BNC2: variants seen among roughly 807,000 people sequenced by gnomAD.
BNC2 encodes the protein basonuclin zinc finger protein 2, also known as zinc finger protein basonuclin-2.
A neutral mutation model predicts 76.3 loss-of-function variants in BNC2; 20 were observed. The observed-to-expected ratio is 0.26, with a 90% CI of 0.18 to 0.38. The LOEUF is 0.38. Among genes scored for constraint, BNC2 ranks in the 10% least tolerant of loss-of-function variants. The pLI, the probability that BNC2 is intolerant of heterozygous loss-of-function variation, is 1.00. For synonymous variants in BNC2, 582 were observed against 514.8 expected, an observed-to-expected ratio of 1.13 and a Z score of -1.77; for missense variants, 1,382 against 1,399.8, an observed-to-expected ratio of 0.99 and a Z score of 0.20.
At chr9:16,515,731 A>T (rs992158211) in intron 5 of BNC2, among the ~76,000 whole-genome samples, 15 of 150,752 alleles carry the variant, frequency 1.0e-4, no homozygotes, top group South Asian at 4.3e-4. Context: ...AAAAAAAAAA[A>T]TTTAAAAAAA....
At chr9:16,619,952 A>G (rs1460871908) in intron 3 of BNC2, among the ~76,000 whole-genome samples, 1 of 152,194 alleles carries the variant, frequency 6.6e-6, no homozygotes, top group Admixed American at 6.5e-5. Context: ...TTCAGTGGAC[A>G]TACAAGTCAC....
At chr9:16,737,791 TAGA>T (rs1030884530) in intron 2 of BNC2, among the ~76,000 whole-genome samples, 1 of 152,144 alleles carries the variant, frequency 6.6e-6, no homozygotes, top group African/African-American at 2.4e-5. Context: ...ACAGGTCCCT[TAGA>T]AGATCTGCAT....
chr9:16,584,526 C>T (rs1819718032), intron 3 of BNC2, among the ~76,000 whole-genome samples: 1 of 152,072 alleles, frequency 6.6e-6, no homozygotes, highest in African/African-American at 2.4e-5. Flanking sequence ...TACTTCACCC[C>T]CATCTTTAAT....
intron 5 of BNC2, among the ~76,000 whole-genome samples, chr9:16,444,646 T>A (rs1190555301): frequency 6.6e-6 from 1 of 152,152 alleles, no homozygotes; most frequent in African/African-American, 2.4e-5. Flanking sequence ...AGATCCCACA[T>A]GTGGGTTGGA....
intron 5 of BNC2, among the ~76,000 whole-genome samples, chr9:16,452,289 C>T (rs1301751730): frequency 6.6e-6 from 1 of 151,936 alleles, no homozygotes; most frequent in African/African-American, 2.4e-5. Context: ...AAGGTAAATC[C>T]CAGTGTACAA....
intron 5 of BNC2, among the ~76,000 whole-genome samples, chr9:16,479,867 G>C (rs1178998724): frequency 6.6e-6 from 1 of 152,138 alleles, no homozygotes; most frequent in African/African-American, 2.4e-5. Flanking sequence ...ATCTGTAACA[G>C]CTTAACCTTT....
At chr9:16,433,778 A>T (rs1005551943) in intron 6 of BNC2, among the ~76,000 whole-genome samples, 1 of 152,178 alleles carries the variant, frequency 6.6e-6, no homozygotes, top group Non-Finnish European at 1.5e-5. Context: ...AAACCAACTA[A>T]AACTGTGACA....
chr9:16,434,016 G>C (rs562547116), intron 6 of BNC2, among the ~76,000 whole-genome samples: 2 of 152,128 alleles, frequency 1.3e-5, no homozygotes, highest in African/African-American at 4.8e-5. Flanking sequence ...TATCTTATCT[G>C]ATGCATTCTG....
intron 3 of BNC2, among the ~76,000 whole-genome samples, chr9:16,633,611 T>G (rs1463121653): frequency 1.3e-5 from 2 of 152,194 alleles, no homozygotes; most frequent in East Asian, 3.8e-4. Flanking sequence ...ATTCAAAAGT[T>G]TTTATAATAT....
chr9:16,542,717 T>C (rs1009100653), intron 5 of BNC2, among the ~76,000 whole-genome samples: 9 of 152,216 alleles, frequency 5.9e-5, no homozygotes, highest in African/African-American at 2.2e-4. Context: ...CCTAGCAAAG[T>C]ATTGGCCCAC....
intron 5 of BNC2, among the ~76,000 whole-genome samples, chr9:16,477,378 A>T (rs1821950020): frequency 6.7e-6 from 1 of 148,836 alleles, no homozygotes; most frequent in African/African-American, 2.5e-5. Flanking sequence ...AAGGAGATTA[A>T]AAAAAAAAAG....
At chr9:16,665,036 T>A in intron 3 of BNC2, 1 of 456,418 alleles carries the variant, frequency 2.2e-6, no homozygotes, top group Non-Finnish European at 4.4e-6. Flanking sequence ...AAACTAGACC[T>A]GTAACTTCTT....
chr9:16,513,497 G>A lies in BNC2; in HGVS notation c.669+39033C>T, dbSNP rs1454271400. On this transcript the variant is annotated intron_variant, in intron 5 of 6. Coordinates refer to ENST00000380672, the MANE Select transcript of BNC2 (RefSeq NM_017637.6). ...AATTTTTTGTATTTTTAGTGGAGAC[G>A]GGTTTCACCATATTAGCCAGGATGG... is the stretch of plus-strand genomic sequence containing the variant. Among the ~76,000 whole-genome samples the A allele has an allele frequency of 2.6e-5, 4 of 151,716 alleles. No homozygotes were observed. In the East Asian group the frequency reaches 7.8e-4, roughly 29 times the overall value.
At chr9:16,563,300 A>G (rs531344959) in intron 4 of BNC2, among the ~76,000 whole-genome samples, 2 of 152,262 alleles carry the variant, frequency 1.3e-5, no homozygotes, top group Non-Finnish European at 1.5e-5. Context: ...GATAAACAAC[A>G]TGCCTCTAAA....
intron 1 of BNC2, among the ~76,000 whole-genome samples, chr9:16,753,932 G>C (rs6475077): frequency 0.86 from 131,026 of 152,118 alleles, 56,809 homozygotes; most frequent in Non-Finnish European, 0.91. Flanking sequence ...ACTGAGCGCT[G>C]TGAAGCCTCC....
intron 5 of BNC2, among the ~76,000 whole-genome samples, chr9:16,491,465 A>G (rs570476163): frequency 6.6e-6 from 1 of 152,232 alleles, no homozygotes; most frequent in Admixed American, 6.5e-5. Flanking sequence ...AATTTTAAAA[A>G]ACACACATAA....
At chr9:16,788,470 G>A (rs536752745) in intron 1 of BNC2, among the ~76,000 whole-genome samples, 8 of 150,762 alleles carry the variant, frequency 5.3e-5, no homozygotes, top group South Asian at 2.1e-4. Flanking sequence ...GGAGAATGGC[G>A]TGAACCCAGG....
At chr9:16,587,694 C>A (rs1043282108) in intron 3 of BNC2, among the ~76,000 whole-genome samples, 3 of 152,110 alleles carry the variant, frequency 2.0e-5, no homozygotes, top group African/African-American at 7.2e-5. Context: ...AGTGGCTGTC[C>A]ATTCTCCTTG....
At position 16,816,458 on chromosome 9, in the gene BNC2, C is replaced by A. The variant is rs1818185029; in HGVS notation, c.3+54188G>T. 2.6e-5 allele frequency among the ~76,000 whole-genome samples: 4 copies of A among 152,302 alleles called. No individual in the cohort carries two copies. The South Asian group carries it at 6.2e-4, about 24-fold the overall frequency. On this transcript the variant is annotated intron_variant, in intron 1 of 6. Coordinates refer to ENST00000380672, the MANE Select transcript of BNC2 (RefSeq NM_017637.6). ...GTTAAATACCAAGCTGGGCAGCCTT[C>A]CCTTGACTGAACTGAGTTTGTTCTA... is the stretch of plus-strand genomic sequence containing the variant.
Sources: allele counts gnomAD v4.1 joint callset (sites outside exome capture counted in the v4.1 genomes callset), GRCh38; gene constraint gnomAD v4.1.1; transcripts MANE v1.5; gene names NCBI Gene and HGNC (gene_info 2026-07-23, HGNC 2026-07-21).